Variants in ICE1 observed in about 807,000 individuals in gnomAD.
ICE1 encodes the protein interactor of little elongation complex ELL subunit 1.
A neutral mutation model predicts 192.7 loss-of-function variants in ICE1; 64 were observed. The observed-to-expected ratio is 0.33, with a 90% confidence interval of 0.27 to 0.41. The LOEUF (loss-of-function observed/expected upper bound fraction) is 0.41. Ranked by LOEUF, ICE1 falls within the 10% of genes least tolerant of loss-of-function variation. The pLI, the probability that ICE1 is intolerant of heterozygous loss-of-function variation, is 1.00. For synonymous variants in ICE1, 1,010 were observed against 984.5 expected, an observed-to-expected ratio of 1.03 and a Z score of -0.49; for missense variants, 2,708 against 2,696.0, an observed-to-expected ratio of 1.00 and a Z score of -0.10.
intron 3 of ICE1, chr5:5,437,762 G>C (rs1035090197): frequency 6.6e-6 from 1 of 152,146 alleles, no homozygotes; most frequent in Non-Finnish European, 1.5e-5. Context: ...TCTTGCTGTG[G>C]TAATACCTTG....
chr5:5,457,256 T>G, intron 11 of ICE1, 76 bp from the exon 12 acceptor site: 2 of 1,358,508 alleles, frequency 1.5e-6, no homozygotes, highest in Non-Finnish European at 2.0e-6. Context: ...GTAATAAGGT[T>G]TCTTTCTTTC....
rs745760537 is a variant in ICE1 at position 5,461,147 on chromosome 5, G to A, written c.1813G>A (p.Gly605Arg). 5.0e-6 allele frequency: 8 copies of A among 1,613,992 alleles called. 1 individual carries two copies. The Admixed American group carries it at 1.3e-4, about 27-fold the overall frequency. Reference sequence around the variant, plus strand: ...AGAAGATACTCAAGGGTTCACTTTAGGAGAATCACCTGAATCAGAAGATGA... The same window carrying A: ...AGAAGATACTCAAGGGTTCACTTTAAGAGAATCACCTGAATCAGAAGATGA... ...EKEDTQGFTL[G>R]ESPESEDDDS... The change falls in exon 13 of 19, where the codon GGA (glycine) becomes AGA (arginine). Residue 605 changes from glycine to arginine, a missense_variant. Gly to Arg is a moderately radical substitution (Grantham distance 125). Transcript: ENST00000296564.
intron 1 of ICE1, among the ~76,000 whole-genome samples, chr5:5,429,111 GC>G (rs1199687297): frequency 6.6e-6 from 1 of 152,188 alleles, no homozygotes; most frequent in Admixed American, 6.5e-5. Context: ...CACAGCACAT[GC>G]CTAATTGCTC....
chr5:5,441,044 ATAAGCACATATATT>A, intron 4 of ICE1, 54 bp from the exon 5 acceptor site: 1 of 961,598 alleles, frequency 1.0e-6, no homozygotes, highest in East Asian at 2.7e-5. Context: ...ATCTGAAATT[ATAAGCACATATATT>A]TAATACTTCG....
Position 5,457,246 on chromosome 5 carries a change from G to A in ICE1, c.692-86G>A, listed in dbSNP as rs887018617. 5 of 1,304,680 alleles carry A rather than the reference G, an allele frequency of 3.8e-6. No homozygotes were observed. The Admixed American group carries it at 1.2e-4, about 30-fold the overall frequency. 80.8% of individuals were successfully genotyped at this position (1,304,680 alleles called of 1,614,324 possible). On this transcript the variant is annotated intron_variant, in intron 11 of 18. Transcript: ENST00000296564. ...AATATTTCAAGCATTTTGAACTGTT[G>A]TAATAAGGTTTCTTTCTTTCTTTTT...
rs1579566685 is a variant in ICE1 at position 5,463,801 on chromosome 5, T to C, written c.4467T>C (p.Leu1489=). The change falls in exon 13 of 19, where the codon CTT becomes CTC. Residue 1489 remains leucine (L), a synonymous_variant. Transcript: ENST00000296564. ...AFQEAPCGNN[L]SCPQEDVSSS... The stretch of plus-strand genomic sequence containing the variant: ...AGGAGGCTCCATGTGGCAATAATCT[T>C]TCATGTCCCCAAGAGGATGTTTCAA... 6.2e-7 allele frequency: 1 copy of C among 1,613,850 alleles called. No individual in the cohort carries two copies. The highest frequency in any genetic ancestry group is 8.5e-7 in the Non-Finnish European group (1 of 1,179,890).
In ICE1 at chr5:5,447,758, A is replaced by G. The variant is rs750758850; in HGVS notation, c.545A>G (p.Lys182Arg). The G allele has an allele frequency of 1.3e-6, 2 of 1,584,534 alleles. No individual in the cohort carries two copies. The highest frequency in any genetic ancestry group is 1.1e-5 in the South Asian group (1 of 87,104). ...GAATTTTCTAAACAGAAAAATGAAA[A>G]GGGTGAGTATTCAGTTAATGCTTAC... is the stretch of plus-strand genomic sequence containing the variant. Reference protein sequence around the residue: ...LDEFSKQKNEKELRHIGTQIS... With the variant: ...LDEFSKQKNERELRHIGTQIS... The change falls in exon 9 of 19, where the codon AAG becomes AGG. Residue 182 changes from lysine (K) to arginine (R), a missense_variant and splice_region_variant. Coordinates refer to ENST00000296564, the MANE Select transcript of ICE1 (RefSeq NM_015325.3).
Position 5,423,028 on chromosome 5 carries a change from G to T in ICE1, c.84+29G>T, listed in dbSNP as rs116360315. The T allele has an allele frequency of 0.028, 36,370 of 1,296,644 alleles. 3,480 individuals are homozygous for T. The East Asian group carries it at 0.3, about 11-fold the overall frequency. 80.3% of individuals were successfully genotyped at this position (1,296,644 alleles called of 1,614,324 possible). Reference sequence around the variant, plus strand: ...CAGCACCTCCCGGGGCCCCGGGCGCGGGGGGGGACTCGGCTCGGCCGGCCG... The same window carrying T: ...CAGCACCTCCCGGGGCCCCGGGCGCTGGGGGGGACTCGGCTCGGCCGGCCG... On this transcript the variant is annotated intron_variant, in intron 1 of 18. Coordinates refer to ENST00000296564, the MANE Select transcript of ICE1 (RefSeq NM_015325.3).
intron 14 of ICE1, among the ~76,000 whole-genome samples, chr5:5,467,281 G>C (rs1011971350): frequency 6.6e-6 from 1 of 152,166 alleles, no homozygotes; most frequent in African/African-American, 2.4e-5. Context: ...AAATCAGATG[G>C]AGGTACACTT....
chr5:5,477,436 A>G (rs1344239812), intron 17 of ICE1, among the ~76,000 whole-genome samples: 1 of 152,264 alleles, frequency 6.6e-6, no homozygotes, highest in African/African-American at 2.4e-5. Flanking sequence ...AGACTAAACC[A>G]GAAAGAAGTT....
rs748560173 is a variant in ICE1 at position 5,441,124 on chromosome 5, T to C, written c.210T>C (p.Asn70=). Residue 70 remains asparagine (N), a synonymous_variant, in exon 5 of 19, where the codon AAT becomes AAC. Transcript: ENST00000296564. ...TCATTGTCTTTAGAGAGAATAGTAA[T>C]CTGCATCACCAAGTGGAAGAGATGC... ...ELQFARRENS[N]LHHQVEEMLQ... is the part of the protein sequence containing the mutation. 7 of 1,542,658 alleles carry C rather than the reference T, an allele frequency of 4.5e-6. No individual in the cohort carries two copies. The highest frequency in any genetic ancestry group is 6.2e-6 in the Non-Finnish European group (7 of 1,136,156).
rs1738879916 is a variant in ICE1 at position 5,463,722 on chromosome 5, C to T, written c.4388C>T (p.Pro1463Leu). 7.4e-6 allele frequency: 12 copies of T among 1,613,892 alleles called. No individual in the cohort carries two copies. The highest frequency in any genetic ancestry group is 9.3e-6 in the Non-Finnish European group (11 of 1,179,844). Residue 1463 changes from proline (P) to leucine (L), a missense_variant, in exon 13 of 19, where the codon CCA (proline) becomes CTA (leucine). Coordinates refer to ENST00000296564, the MANE Select transcript of ICE1 (RefSeq NM_015325.3). Reference protein sequence around the residue: ...DQGELEAGCIPVTSAEKSPEA... With the variant: ...DQGELEAGCILVTSAEKSPEA... The stretch of plus-strand genomic sequence containing the variant: ...GGAGAGCTGGAAGCTGGTTGCATCC[C>T]AGTGACTTCTGCTGAGAAGTCCCCA...
At position 5,464,455 on chromosome 5, in the gene ICE1, G is replaced by T. The variant is rs1251703629; in HGVS notation, c.5121G>T (p.Glu1707Asp). Residue 1707 changes from glutamate to aspartate, a missense_variant, in exon 13 of 19, where the codon GAG (glutamate) becomes GAT (aspartate). This residue lies in a region of ICE1 where 2,366 missense variants were observed against 2,276.6 expected (regional missense o/e 1.04). Coordinates refer to ENST00000296564, the MANE Select transcript of ICE1 (RefSeq NM_015325.3). This position sits in a 1 kb window ranked among gnomAD's most constrained non-coding sequence, Gnocchi z 4.0. ...CTCCATCTGCAGCTTCAGCCAGTGA[G>T]AGGGTAGTGCCGTCTCCTCTGCAGT... ...SPSPSAASASERVVPSPLQFC... is the reference protein window; with the variant it reads ...SPSPSAASASDRVVPSPLQFC... 1 of 1,613,938 alleles carries T rather than the reference G, an allele frequency of 6.2e-7. No homozygotes were observed. Among genetic ancestry groups the T allele is most frequent in the South Asian group, 1.1e-5 (1 of 91,066 alleles).
At chr5:5,452,538 A>G (rs547578961) in intron 10 of ICE1, among the ~76,000 whole-genome samples, 11 of 152,270 alleles carry the variant, frequency 7.2e-5, no homozygotes, top group Non-Finnish European at 1.2e-4. Flanking sequence ...ACCTGAGTAC[A>G]TAAACATGTT....
At position 5,489,476 on chromosome 5, in the gene ICE1, C is replaced by A; in HGVS notation, c.*146C>A. The stretch of plus-strand genomic sequence containing the variant: ...ACCAGAGGCTCTCCTTATTGTTTGG[C>A]AAGGAGACAGGAGAAACAAGCAGTC... On this transcript the variant is annotated 3_prime_UTR_variant, in exon 19 of 19. Coordinates refer to ENST00000296564, the MANE Select transcript of ICE1 (RefSeq NM_015325.3). 1.5e-6 allele frequency: 1 copy of A among 684,926 alleles called. No homozygotes were observed. The highest frequency in any genetic ancestry group is 2.3e-6 in the Non-Finnish European group (1 of 434,442). 42.4% of individuals were successfully genotyped at this position (684,926 alleles called of 1,614,324 possible).
intron 7 of ICE1, among the ~76,000 whole-genome samples, chr5:5,446,544 C>T (rs1457653829): frequency 6.6e-6 from 1 of 152,152 alleles, no homozygotes; most frequent in Admixed American, 6.5e-5. Context: ...GCTCATCCTC[C>T]CAAAGTGCTG....
At chr5:5,443,395 G>C (rs867351601) in intron 6 of ICE1, among the ~76,000 whole-genome samples, 151 bp downstream of exon 6, 1 of 152,042 alleles carries the variant, frequency 6.6e-6, no homozygotes, top group African/African-American at 2.4e-5. Context: ...CTCAACCTTG[G>C]TTTCCACATC....
intron 18 of ICE1, among the ~76,000 whole-genome samples, chr5:5,487,618 G>A (rs759621352): frequency 6.6e-5 from 10 of 152,162 alleles, no homozygotes; most frequent in Admixed American, 2.0e-4. Context: ...TGCTGAAGTG[G>A]TACACATTTC....
intron 7 of ICE1, among the ~76,000 whole-genome samples, chr5:5,446,792 G>T (rs1361002812): frequency 6.6e-6 from 1 of 152,296 alleles, no homozygotes; most frequent in African/African-American, 2.4e-5. Flanking sequence ...TGTTACTGAG[G>T]TGTTTCATGG....
Sources: gnomAD v4.1 joint callset for allele counts (sites outside exome capture counted in the v4.1 genomes callset) on GRCh38, gnomAD v4.1.1 for gene constraint, gnomAD v4.1.1 regional missense constraint, Gnocchi (gnomAD v3.1) non-coding constraint, MANE v1.5 for transcripts, NCBI Gene and HGNC (gene_info 2026-07-23, HGNC 2026-07-21) for gene names.